The following ZNF454 variants were observed in gnomAD, a reference collection of about 807,000 sequenced individuals.
The protein encoded by ZNF454 is zinc finger protein 454.
In ZNF454, 30 loss-of-function variants were observed where a neutral mutation model predicts 48.2. The ratio of observed to expected loss-of-function variants is 0.62; its 90% CI spans 0.47 to 0.84. The LOEUF (loss-of-function observed/expected upper bound fraction) is 0.84. Among genes scored for constraint, ZNF454 ranks in the 40% least tolerant of loss-of-function variants. The pLI is 0.00. For synonymous variants in ZNF454, 204 were observed against 211.4 expected (o/e 0.97, Z 0.30); for missense variants, 510 against 623.1 (o/e 0.82, Z 1.93).
At chr5:178,989,276 C>T in the ZNF454 span, 58 of 1,585,270 alleles carry the variant, frequency 3.7e-5, no homozygotes, top group African/African-American at 5.5e-4. Flanking sequence ...TGTGCATTTG[C>T]GGGTGGAATC....
Position 178,941,869 on chromosome 5 carries a change from C to T in ZNF454, c.-108+425C>T, listed in dbSNP as rs1223074782. Among the ~76,000 whole-genome samples the T allele has an allele frequency of 6.6e-6, 1 of 152,210 alleles. No individual in the cohort carries two copies. Among genetic ancestry groups the T allele is most frequent in the African/African-American group, 2.4e-5 (1 of 41,478 alleles). On this transcript the variant is annotated intron_variant, in intron 1 of 4. Coordinates refer to ENST00000519564, the MANE Select transcript of ZNF454 (RefSeq NM_001178089.3). This position sits in a 1 kb window ranked among gnomAD's most constrained non-coding sequence, Gnocchi z 5.5. ...ACACTGAGGCCAGAGAAGGGTTTGCCTGAGAGGCTTCGACAGTGAAGAGCC... is the reference window on the plus strand; with the variant it reads ...ACACTGAGGCCAGAGAAGGGTTTGCTTGAGAGGCTTCGACAGTGAAGAGCC...
At chr5:178,989,441 C>A in the ZNF454 span, 4 of 1,613,266 alleles carry the variant, frequency 2.5e-6, no homozygotes, top group East Asian at 8.9e-5. Flanking sequence ...GTGGCGCTGA[C>A]CTGAGCCAGC....
At chr5:178,988,949 G>A in the ZNF454 span, 1 of 1,612,926 alleles carries the variant, frequency 6.2e-7, no homozygotes, top group African/African-American at 1.3e-5. This position sits in a 1 kb window ranked among gnomAD's most constrained non-coding sequence, Gnocchi z 6.0. Context: ...GAAGCGGACA[G>A]CTCGAATGTA....
chr5:178,974,867 G>A, the ZNF454 span, among the ~76,000 whole-genome samples: 25 of 152,190 alleles, frequency 1.6e-4, 1 homozygote, highest in Admixed American at 1.6e-3. Context: ...GGTTTTAAAT[G>A]TGAAGCTTTG....
rs190666809 is a variant in ZNF454 at position 178,944,391 on chromosome 5, T to C, written c.33+1567T>C. Among the ~76,000 whole-genome samples the C allele has an allele frequency of 6.6e-6, 1 of 152,348 alleles. No homozygotes were observed. The highest frequency in any genetic ancestry group is 1.9e-4 in the East Asian group (1 of 5,192). On this transcript the variant is annotated intron_variant, in intron 2 of 4. Coordinates refer to ENST00000519564, the MANE Select transcript of ZNF454 (RefSeq NM_001178089.3). The surrounding 1 kb of genome is among the most constrained non-coding windows in gnomAD (Gnocchi z 4.1). ...GTCACTGTCGGTGTCATACAATTTA[T>C]CTTGTGTTTATAGGCTGCCTTGATT...
chr5:178,968,600 A>T (rs1760199214), downstream of ZNF454: 1 of 355,370 alleles, frequency 2.8e-6, no homozygotes, highest in Admixed American at 3.5e-5. Context: ...TCAGAAGTTC[A>T]TCTGCAGCTT....
rs1470180890 is a variant in ZNF454, at chr5:178,942,844, C to T, written c.33+20C>T. 1 of 1,607,984 alleles carries T rather than the reference C, an allele frequency of 6.2e-7. No homozygotes were observed. Among genetic ancestry groups the T allele is most frequent in the South Asian group, 1.1e-5 (1 of 90,014 alleles). On this transcript the variant is annotated intron_variant, in intron 2 of 4. Transcript: ENST00000519564. ...GTCCAGGTGAGTGGGGGTTTCTTCC[C>T]CCTAAATTGCTTTCTGGATTTGAAG...
chr5:178,967,939 C>G (rs758213878), downstream of ZNF454, among the ~76,000 whole-genome samples: 25 of 151,960 alleles, frequency 1.6e-4, no homozygotes, highest in Non-Finnish European at 3.2e-4. Flanking sequence ...TGGGGTTTCA[C>G]TATGTTGGCC....
At position 178,947,817 on chromosome 5, in the gene ZNF454, T is replaced by C. The variant is rs191643358; in HGVS notation, c.250+831T>C. 3.1e-4 allele frequency among the ~76,000 whole-genome samples: 47 copies of C among 152,322 alleles called. No individual in the cohort carries two copies. In the East Asian group the frequency reaches 7.7e-3, roughly 25 times the overall value. ...ACCTTTTGCTACAGATTCTTCACGGTAACCCAATGCAGTAGGCGGGAATTT... is the reference window on the plus strand; with the variant it reads ...ACCTTTTGCTACAGATTCTTCACGGCAACCCAATGCAGTAGGCGGGAATTT... On this transcript the variant is annotated intron_variant, in intron 4 of 4. Transcript: ENST00000519564.
At chr5:178,979,124 A>T in the ZNF454 span, 1 of 152,148 alleles carries the variant, frequency 6.6e-6, no homozygotes, top group Non-Finnish European at 1.5e-5. Context: ...GGTCGTGCGC[A>T]CCAGCTACTC....
chr5:178,957,173 C>T (rs930650427), intron 4 of ZNF454, among the ~76,000 whole-genome samples: 2 of 151,706 alleles, frequency 1.3e-5, no homozygotes, highest in African/African-American at 2.4e-5. Flanking sequence ...TGAGCCACCG[C>T]GCCCGGCCCA....
At chr5:178,989,224 T>TGG in the ZNF454 span, 3 of 826,414 alleles carry the variant, frequency 3.6e-6, no homozygotes, top group Non-Finnish European at 5.2e-6. Context: ...CTCACCACCC[T>TGG]CCCCACCCTC....
At chr5:178,976,459 T>G in the ZNF454 span, among the ~76,000 whole-genome samples, 38,204 of 151,656 alleles carry the variant, frequency 0.25, 5,137 homozygotes, top group South Asian at 0.39. Flanking sequence ...AAGCAGTCTG[T>G]GGGGGGCAGT....
chr5:178,958,893 A>T (rs910985905), intron 4 of ZNF454, among the ~76,000 whole-genome samples: 3 of 152,162 alleles, frequency 2.0e-5, no homozygotes, highest in African/African-American at 7.2e-5. Context: ...TTATTGGCTT[A>T]TAGGGCTGTA....
intron 4 of ZNF454, among the ~76,000 whole-genome samples, chr5:178,960,934 CT>C (rs35611675): frequency 0.11 from 15,295 of 139,254 alleles, 978 homozygotes; most frequent in African/African-American, 0.22. Flanking sequence ...GTCTCACAAT[CT>C]TTTTTTTTTT....
chr5:178,969,901 C>G (rs1487663954), downstream of ZNF454, among the ~76,000 whole-genome samples: 1 of 152,212 alleles, frequency 6.6e-6, no homozygotes, highest in African/African-American at 2.4e-5. Flanking sequence ...TTTCCCCTTT[C>G]AGATTCCTCT....
chr5:178,977,656 G>A, the ZNF454 span, among the ~76,000 whole-genome samples: 22 of 151,250 alleles, frequency 1.5e-4, no homozygotes, highest in African/African-American at 4.4e-4. Flanking sequence ...AGAAACCTCC[G>A]CCTCCCGGGT....
Position 178,942,757 on chromosome 5 carries a change from G to A in ZNF454, c.-35G>A. On this transcript the variant is annotated 5_prime_UTR_variant, in exon 2 of 5. Transcript: ENST00000519564. ...TCCACACCTGCCTCCATAGCACTTT[G>A]CCTGTCCCTAAGAGGGCTCATCGGA... 6.2e-7 allele frequency: 1 copy of A among 1,613,852 alleles called. No individual in the cohort carries two copies. Among genetic ancestry groups the A allele is most frequent in the Non-Finnish European group, 8.5e-7 (1 of 1,179,914 alleles).
the ZNF454 span, chr5:178,981,464 A>C: frequency 1.0e-5 from 6 of 584,690 alleles, no homozygotes; most frequent in Non-Finnish European, 1.8e-5. The surrounding 1 kb of genome is among the most constrained non-coding windows in gnomAD (Gnocchi z 5.1). Flanking sequence ...GGAAGCATGA[A>C]GCTCACATGC....
Sources: allele counts gnomAD v4.1 joint callset (sites outside exome capture counted in the v4.1 genomes callset), GRCh38; gene constraint gnomAD v4.1.1; non-coding constraint Gnocchi (gnomAD v3.1); transcripts MANE v1.5; gene names NCBI Gene and HGNC (gene_info 2026-07-23, HGNC 2026-07-21).